Variants in GATAD2A observed in about 807,000 individuals in gnomAD.
GATAD2A encodes transcriptional repressor p66-alpha.
A neutral mutation model predicts 68.5 loss-of-function variants in GATAD2A; 12 were observed. The observed-to-expected ratio is 0.18, with a 90% CI of 0.11 to 0.28. The LOEUF is 0.28. GATAD2A is among the 10% of genes least tolerant of loss of function. GATAD2A has a pLI of 1.00. For synonymous variants in GATAD2A, 410 were observed against 375.3 expected, an observed-to-expected ratio of 1.09 and a Z score of -1.07; for missense variants, 755 against 868.5, an observed-to-expected ratio of 0.87 and a Z score of 1.64.
At position 19,478,613 on chromosome 19, in the gene GATAD2A, T is replaced by A. The variant is rs867672216; in HGVS notation, c.269+12999T>A. Among the ~76,000 whole-genome samples the A allele has an allele frequency of 2.7e-4, 40 of 150,370 alleles. 1 individual carries two copies. Among genetic ancestry groups the A allele is most frequent in the African/African-American group, 9.1e-4 (37 of 40,876 alleles). The stretch of plus-strand genomic sequence containing the variant: ...TGTCTCAAAAAAAAAAGAAAAAAAA[T>A]TTCAGCCTGGGCAACATAGCAAAAG... On this transcript the variant is annotated intron_variant, in intron 2 of 11. Coordinates refer to ENST00000683918, the MANE Select transcript of GATAD2A (RefSeq NM_001384528.1).
In GATAD2A at chr19:19,492,447, C is replaced by A. The variant is rs755323730; in HGVS notation, c.402+9C>A. On this transcript the variant is annotated intron_variant, in intron 3 of 11. Transcript: ENST00000683918. ...GCACCGAGGCCCTCATGGTGAGCCA[C>A]GTGTTGGCGCTGCCGCCGGAGCCCC... 6.2e-7 allele frequency: 1 copy of A among 1,613,890 alleles called. No homozygotes were observed. The highest frequency in any genetic ancestry group is 1.7e-5 in the Admixed American group (1 of 60,018).
rs150171135 is a variant in GATAD2A, at chr19:19,446,801, C to T, written c.-6-18539C>T. The stretch of plus-strand genomic sequence containing the variant: ...CTCAAACTCTTGGCCTCAAGCGATC[C>T]TCCCTCCTCGGTCTTCCAAAGTGTT... On this transcript the variant is annotated intron_variant, in intron 1 of 11. Transcript: ENST00000683918. Among the ~76,000 whole-genome samples, 1,161 of 152,304 alleles carry T rather than the reference C, an allele frequency of 7.6e-3. 58 individuals carry two copies. Among genetic ancestry groups the T allele is most frequent in the Admixed American group, 0.068 (1,048 of 15,300 alleles).
intron 11 of GATAD2A, 33 bp from the exon 12 acceptor site, chr19:19,505,311 G>A: frequency 1.2e-6 from 2 of 1,608,826 alleles, no homozygotes; most frequent in Non-Finnish European, 1.7e-6. Flanking sequence ...CCTGACGAGG[G>A]CCTTCTCAGC....
At chr19:19,500,053 G>A (rs1036027232) in intron 8 of GATAD2A, among the ~76,000 whole-genome samples, 4 of 152,226 alleles carry the variant, frequency 2.6e-5, no homozygotes, top group Admixed American at 6.5e-5. Context: ...GCGGGCATCC[G>A]CTCTCCCAGA....
rs1438267277 is a variant in GATAD2A at position 19,506,097 on chromosome 19, G to A, written c.*623G>A. 1 of 398,906 alleles carries A rather than the reference G, an allele frequency of 2.5e-6. No individual in the cohort carries two copies. Among genetic ancestry groups the A allele is most frequent in the Non-Finnish European group, 4.4e-6 (1 of 226,078 alleles). The allele number at this position is 398,906 out of a possible 1,614,324, so 24.7% of individuals were successfully genotyped here. On this transcript the variant is annotated 3_prime_UTR_variant, in exon 12 of 12. Coordinates refer to ENST00000683918, the MANE Select transcript of GATAD2A (RefSeq NM_001384528.1). ...TGCCCTGGAGGGTGGGCGGCTCATG[G>A]TGCCACAGCCCCTGGCAGGGACGGC...
At chr19:19,469,947 G>GA (rs112539183) in intron 2 of GATAD2A, among the ~76,000 whole-genome samples, 23,139 of 135,086 alleles carry the variant, frequency 0.17, 1,913 homozygotes, top group Middle Eastern at 0.3. Context: ...GTCTGTCTCA[G>GA]AAAAAAAAAA....
At chr19:19,426,073 C>G (rs1453381517) in intron 1 of GATAD2A, among the ~76,000 whole-genome samples, 2 of 152,166 alleles carry the variant, frequency 1.3e-5, no homozygotes, top group African/African-American at 4.8e-5. Context: ...CAGGCATGAA[C>G]CACTGCACCT....
rs146943195 is a variant in GATAD2A, at chr19:19,430,563, C to A, written c.-7+24544C>A. On this transcript the variant is annotated intron_variant, in intron 1 of 11. Transcript: ENST00000683918. Reference sequence around the variant, plus strand: ...TGGATGCAGAACTAGTTGAAAAATTCTAGAGACAGCACAAGTTTTTGGTGA... The same window carrying A: ...TGGATGCAGAACTAGTTGAAAAATTATAGAGACAGCACAAGTTTTTGGTGA... Among the ~76,000 whole-genome samples, 1,225 of 152,282 alleles carry A rather than the reference C, an allele frequency of 8.0e-3. 9 individuals carry two copies. The highest frequency in any genetic ancestry group is 0.012 in the Non-Finnish European group (789 of 68,028).
intron 1 of GATAD2A, chr19:19,436,087 C>G (rs1164490495): frequency 9.4e-7 from 1 of 1,063,238 alleles, no homozygotes; most frequent in Non-Finnish European, 1.3e-6. Flanking sequence ...TTCCAGAAAC[C>G]TTGCTTGGAA....
chr19:19,410,419 T>C (rs1342645141), intron 1 of GATAD2A, among the ~76,000 whole-genome samples: 2 of 152,100 alleles, frequency 1.3e-5, no homozygotes, highest in Admixed American at 6.5e-5. Flanking sequence ...TAGCTATGCC[T>C]GTGGGGAGGG....
intron 1 of GATAD2A, chr19:19,441,652 C>T: frequency 5.5e-6 from 1 of 181,400 alleles, no homozygotes; most frequent in Non-Finnish European, 1.2e-5. Context: ...AGCTCCGCCT[C>T]CCAGGTTCAT....
chr19:19,385,858 C>G (rs1346931602), exon 1 of GATAD2A: 1 of 151,866 alleles, frequency 6.6e-6, no homozygotes, highest in Non-Finnish European at 1.5e-5. Flanking sequence ...GAGACTGAGC[C>G]GCGAGACTGA....
rs1458201027 is a variant in GATAD2A, at chr19:19,508,566, A to C, written c.*3092A>C. 1.3e-5 allele frequency: 2 copies of C among 152,166 alleles called. No individual in the cohort carries two copies. The highest frequency in any genetic ancestry group is 2.9e-5 in the Non-Finnish European group (2 of 68,034). 9.4% of individuals were successfully genotyped at this position (152,166 alleles called of 1,614,324 possible). The stretch of plus-strand genomic sequence containing the variant: ...ACTTCTCTATACAAATATTCTCATC[A>C]CAGAAGGGATGATCCTTGCTGCTCT... On this transcript the variant is annotated 3_prime_UTR_variant, in exon 12 of 12. Transcript: ENST00000683918.
intron 8 of GATAD2A, 85 bp from the exon 9 acceptor site, chr19:19,501,033 A>G: frequency 1.6e-6 from 2 of 1,218,788 alleles, no homozygotes; most frequent in African/African-American, 3.0e-5. Context: ...GGCGACTGAG[A>G]CTCCAGCATC....
chr19:19,430,973 A>AG (rs139484329), intron 1 of GATAD2A, among the ~76,000 whole-genome samples: 1,400 of 96,656 alleles, frequency 0.014, 16 homozygotes, highest in African/African-American at 0.027. Context: ...GTTGTATGGT[A>AG]GGGGTGTGTG....
intron 2 of GATAD2A, among the ~76,000 whole-genome samples, chr19:19,470,283 C>T (rs545633655): frequency 5.3e-5 from 8 of 151,672 alleles, no homozygotes; most frequent in Non-Finnish European, 8.8e-5. Context: ...TACAGGTGCC[C>T]GCCACCACGC....
intron 5 of GATAD2A, 93 bp from the exon 6 acceptor site, chr19:19,495,661 A>AAAAATTT: frequency 1.1e-6 from 1 of 945,026 alleles, no homozygotes; most frequent in Non-Finnish European, 1.5e-6. Flanking sequence ...AAAAACTAGT[A>AAAAATTT]TGTACTTTCA....
intron 2 of GATAD2A, among the ~76,000 whole-genome samples, chr19:19,481,549 C>T (rs535735903): frequency 6.6e-6 from 1 of 152,144 alleles, no homozygotes; most frequent in South Asian, 2.1e-4. Context: ...TGGTCTTGAA[C>T]TCCAAAGCTC....
At chr19:19,412,329 G>A (rs2147131275) in intron 1 of GATAD2A, among the ~76,000 whole-genome samples, 1 of 151,524 alleles carries the variant, frequency 6.6e-6, no homozygotes, top group East Asian at 2.0e-4. Context: ...CTAATTTTTT[G>A]TATATTTAGT....
Sources: allele counts gnomAD v4.1 joint callset (sites outside exome capture counted in the v4.1 genomes callset), GRCh38; gene constraint gnomAD v4.1.1; transcripts MANE v1.5; gene names NCBI Gene and HGNC (gene_info 2026-07-23, HGNC 2026-07-21).